Variants in AXIN1 observed in about 807,000 individuals in gnomAD.
The protein encoded by AXIN1 is axin-1.
Under a neutral mutation model 76.4 loss-of-function variants are expected in AXIN1, and 30 were observed. The ratio of observed to expected loss-of-function variants is 0.39; its 90% CI spans 0.29 to 0.53. AXIN1 has a LOEUF of 0.53. Among genes scored for constraint, AXIN1 ranks in the 20% least tolerant of loss-of-function variants. The pLI, the probability that AXIN1 is intolerant of heterozygous loss-of-function variation, is 0.66. For synonymous variants in AXIN1, 545 were observed against 501.4 expected (o/e 1.09, Z -1.16); for missense variants, 1,140 against 1,198.8 (o/e 0.95, Z 0.72).
intron 5 of AXIN1, chr16:299,222 T>C (rs1254093735): frequency 3.8e-5 from 37 of 985,334 alleles, no homozygotes; most frequent in Non-Finnish European, 4.5e-5. Flanking sequence ...AGCAAACATT[T>C]GATCACTTTA....
Position 293,673 on chromosome 16 carries a change from G to C in AXIN1, c.2001C>G (p.Pro667=), listed in dbSNP as rs891100227. ...CGGCCCAGGGGTGCTCAAGGGACAA[G>C]GGTCTGGAGTTCTCATGGGGCTGTG... ...RKPQPHENSR[P]LSLEHPWAGP... Residue 667 remains proline, a synonymous_variant, in exon 8 of 11, where the codon CCC becomes CCG. Transcript: ENST00000262320. This position sits in a 1 kb window ranked among gnomAD's most constrained non-coding sequence, Gnocchi z 4.6. The C allele has an allele frequency of 2.5e-6, 4 of 1,613,776 alleles. No homozygotes were observed. The highest frequency in any genetic ancestry group is 1.1e-5 in the South Asian group (1 of 91,086).
chr16:304,780 C>G (rs1259854669), intron 4 of AXIN1, among the ~76,000 whole-genome samples: 1 of 152,164 alleles, frequency 6.6e-6, no homozygotes, highest in African/African-American at 2.4e-5. Flanking sequence ...GGTGATCTGC[C>G]CACCTCAGCC....
chr16:305,476 A>C (rs929417721), intron 4 of AXIN1, among the ~76,000 whole-genome samples: 6 of 152,192 alleles, frequency 3.9e-5, no homozygotes, highest in African/African-American at 1.4e-4. Context: ...ACCCTGTCTC[A>C]AAATAATAAC....
rs1488818919 is a variant in AXIN1 at position 297,962 on chromosome 16, T to C, written c.1544A>G (p.Lys515Arg). The C allele has an allele frequency of 6.2e-7, 1 of 1,603,186 alleles. No homozygotes were observed. The highest frequency in any genetic ancestry group is 1.1e-5 in the South Asian group (1 of 90,788). Residue 515 changes from lysine (K) to arginine (R), a missense_variant, in exon 6 of 11, where the codon AAG (lysine) becomes AGG (arginine). Lys to Arg is a conservative substitution (Grantham distance 26). This residue lies in a region of AXIN1 where 708 missense variants were observed against 776.9 expected (regional missense o/e 0.91). Transcript: ENST00000262320. ...ALGGAASGHG[K>R]HVPKSGAKLD... ...CTTCGCCCCTGACTTGGGTACGTGC[T>C]TCCCGTGCCCCGAGGCGGCACCCCC...
rs573197162 is a variant in AXIN1, at chr16:346,732, C to T, written c.294G>A (p.Gly98=). The T allele has an allele frequency of 1.9e-6, 3 of 1,594,998 alleles. No individual in the cohort carries two copies. Among genetic ancestry groups the T allele is most frequent in the Admixed American group, 1.7e-5 (1 of 58,722 alleles). Reference sequence around the variant, plus strand: ...TCAGGAAAGTCCTGAACAGGCTTATCCCATCTTGGTCATCCAGCAGGGAAT... The same window carrying T: ...TCAGGAAAGTCCTGAACAGGCTTATTCCATCTTGGTCATCCAGCAGGGAAT... ...SLHSLLDDQD[G]ISLFRTFLKQ... The change falls in exon 2 of 11, where the codon GGG becomes GGA. Residue 98 remains glycine (G), a synonymous_variant. Coordinates refer to ENST00000262320, the MANE Select transcript of AXIN1 (RefSeq NM_003502.4).
Position 288,008 on chromosome 16 carries a change from G to A in AXIN1, c.*114C>T, listed in dbSNP as rs2052432548. 6.4e-7 allele frequency: 1 copy of A among 1,552,570 alleles called. No individual in the cohort carries two copies. Among genetic ancestry groups the A allele is most frequent in the Non-Finnish European group, 8.8e-7 (1 of 1,136,646 alleles). On this transcript the variant is annotated 3_prime_UTR_variant, in exon 11 of 11. Coordinates refer to ENST00000262320, the MANE Select transcript of AXIN1 (RefSeq NM_003502.4). The stretch of plus-strand genomic sequence containing the variant: ...ACACGGGTAGACCACAGGGATGGGT[G>A]GTACACCCAACACTGTTCCCCATCG...
At chr16:307,231 G>T (rs1467855680) in intron 4 of AXIN1, among the ~76,000 whole-genome samples, 2 of 152,150 alleles carry the variant, frequency 1.3e-5, no homozygotes, top group Admixed American at 1.3e-4. Context: ...GGGGCCAACA[G>T]GAGCACTCAT....
intron 10 of AXIN1, 80 bp downstream of exon 10, chr16:289,360 C>T (rs561855016): frequency 1.5e-5 from 23 of 1,574,390 alleles, no homozygotes; most frequent in South Asian, 5.6e-5. Context: ...CCACTGTGCC[C>T]GGCTGGAAAC....
At chr16:347,689 G>A (rs931938454) in intron 1 of AXIN1, among the ~76,000 whole-genome samples, 2 of 152,176 alleles carry the variant, frequency 1.3e-5, no homozygotes, top group Non-Finnish European at 2.9e-5. Context: ...TACACCTTCC[G>A]ACACATGAGA....
In AXIN1 at chr16:348,992, G is replaced by A. The variant is rs532496229; in HGVS notation, c.-81-1886C>T. 2.6e-5 allele frequency among the ~76,000 whole-genome samples: 4 copies of A among 151,962 alleles called. No homozygotes were observed. In the South Asian group the frequency reaches 6.2e-4, roughly 24 times the overall value. On this transcript the variant is annotated intron_variant, in intron 1 of 10. Coordinates refer to ENST00000262320, the MANE Select transcript of AXIN1 (RefSeq NM_003502.4). Reference sequence around the variant, plus strand: ...GGGCACCTGCAGTCCCAGCTACTCGGGAGACTGACGTGGGAGAATGGCATG... The same window carrying A: ...GGGCACCTGCAGTCCCAGCTACTCGAGAGACTGACGTGGGAGAATGGCATG...
chr16:295,096 CTTT>C (rs888214026), intron 7 of AXIN1, among the ~76,000 whole-genome samples: 2 of 141,840 alleles, frequency 1.4e-5, no homozygotes, highest in Admixed American at 7.1e-5. Context: ...TTCATGGAGA[CTTT>C]TTTTTTTTCT....
intron 5 of AXIN1, among the ~76,000 whole-genome samples, chr16:303,108 C>T (rs1297806807): frequency 1.3e-5 from 2 of 152,206 alleles, no homozygotes; most frequent in African/African-American, 2.4e-5. Context: ...GTGCTTCACT[C>T]GCCTCAGCCT....
At chr16:351,944 G>C (rs1229454930) in intron 1 of AXIN1, among the ~76,000 whole-genome samples, 2 of 152,142 alleles carry the variant, frequency 1.3e-5, no homozygotes, top group Non-Finnish European at 2.9e-5. Context: ...ACCAGTGTTT[G>C]GGCAGCAAGG....
chr16:320,732 TATATA>T (rs1371230092), intron 2 of AXIN1, among the ~76,000 whole-genome samples: 14 of 88,466 alleles, frequency 1.6e-4, no homozygotes, highest in Non-Finnish European at 1.1e-4. Context: ...TGTATATATA[TATATA>T]TATATATTTT....
chr16:343,344 G>T (rs2053966747), intron 2 of AXIN1, among the ~76,000 whole-genome samples: 1 of 152,182 alleles, frequency 6.6e-6, no homozygotes, highest in Admixed American at 6.6e-5. Context: ...TCCAACAGTG[G>T]AAATCAGAAC....
intron 1 of AXIN1, among the ~76,000 whole-genome samples, chr16:347,792 G>A (rs1298994773): frequency 6.6e-6 from 1 of 152,152 alleles, no homozygotes; most frequent in Non-Finnish European, 1.5e-5. Flanking sequence ...AGGGATCAAG[G>A]ACACCACCCA....
chr16:303,899 G>A lies in AXIN1; in HGVS notation c.1254+405C>T, dbSNP rs73486241. 6.4e-3 allele frequency among the ~76,000 whole-genome samples: 970 copies of A among 152,280 alleles called. 14 individuals are homozygous for A. Among genetic ancestry groups the A allele is most frequent in the African/African-American group, 0.021 (854 of 41,566 alleles). The stretch of plus-strand genomic sequence containing the variant: ...GAAAGTCTCAGGCATCGCAGCCCCC[G>A]ACTGCACGCCACTAGCCCTTCCTGC... On this transcript the variant is annotated intron_variant, in intron 5 of 10. Coordinates refer to ENST00000262320, the MANE Select transcript of AXIN1 (RefSeq NM_003502.4).
chr16:291,618 C>T (rs758101073), intron 8 of AXIN1: 21 of 443,446 alleles, frequency 4.7e-5, no homozygotes, highest in Admixed American at 1.4e-4. Flanking sequence ...GATGACATCT[C>T]GTCCCGAGAG....
At chr16:321,708 C>T (rs775134977) in intron 2 of AXIN1, among the ~76,000 whole-genome samples, 14 of 148,396 alleles carry the variant, frequency 9.4e-5, no homozygotes, top group Non-Finnish European at 1.5e-4. Context: ...AAGGCGGATG[C>T]CAACCCACGA....
Sources: gnomAD v4.1 joint callset for allele counts (sites outside exome capture counted in the v4.1 genomes callset) on GRCh38, gnomAD v4.1.1 for gene constraint, gnomAD v4.1.1 regional missense constraint, Gnocchi (gnomAD v3.1) non-coding constraint, MANE v1.5 for transcripts, NCBI Gene and HGNC (gene_info 2026-07-23, HGNC 2026-07-21) for gene names.